ACBD6: variants seen among roughly 807,000 people sequenced by gnomAD.
ACBD6 encodes the protein acyl-CoA binding domain containing 6.
ACBD6 carries 28 observed loss-of-function variants against 37.2 expected under a neutral mutation model. That is an observed-to-expected ratio of 0.75 (90% confidence interval 0.56 to 1.03). ACBD6 has a LOEUF of 1.03. Among genes scored for constraint, ACBD6 ranks in the 50% least tolerant of loss-of-function variants. The probability of loss-of-function intolerance (pLI) is 0.00; values close to 1 mark genes in which losing one functional copy is unlikely to be tolerated. For synonymous variants in ACBD6, 113 were observed against 126.8 expected, an observed-to-expected ratio of 0.89 and a Z score of 0.73; for missense variants, 340 against 337.4, an observed-to-expected ratio of 1.01 and a Z score of -0.06.
chr1:180,392,434 G>T (rs1008380548), intron 6 of ACBD6, among the ~76,000 whole-genome samples: 1 of 152,072 alleles, frequency 6.6e-6, no homozygotes, highest in Non-Finnish European at 1.5e-5. Context: ...CATGTAAGTA[G>T]AAAAAAGATG....
chr1:180,373,062 A>C (rs984574342), intron 6 of ACBD6, among the ~76,000 whole-genome samples: 2 of 152,162 alleles, frequency 1.3e-5, no homozygotes, highest in African/African-American at 2.4e-5. Context: ...CTAGGCCGAG[A>C]GTCACCCCGA....
chr1:180,318,174 C>CAAA (rs541331902), intron 6 of ACBD6, among the ~76,000 whole-genome samples: 1 of 96,112 alleles, frequency 1.0e-5, no homozygotes, highest in Non-Finnish European at 2.0e-5. Context: ...CCCCCCCCCC[C>CAAA]CAAAAAAAAA....
intron 9 of ACBD6, among the ~76,000 whole-genome samples, chr1:180,279,309 T>C (rs146477090): frequency 1.3e-5 from 2 of 152,326 alleles, no homozygotes; most frequent in East Asian, 3.9e-4. Flanking sequence ...TTTAAAATTT[T>C]TTTTTGAGAC....
chr1:180,297,010 T>A (rs188003607), intron 7 of ACBD6, among the ~76,000 whole-genome samples: 49 of 152,120 alleles, frequency 3.2e-4, no homozygotes, highest in Middle Eastern at 3.4e-3. Context: ...CTTCTTTTGT[T>A]AGGGTGAGAA....
At chr1:180,425,085 T>C (rs1040401649) in intron 4 of ACBD6, among the ~76,000 whole-genome samples, 1 of 152,186 alleles carries the variant, frequency 6.6e-6, no homozygotes, top group Non-Finnish European at 1.5e-5. Context: ...ACTAAACCTT[T>C]TCTCCTCTCT....
chr1:180,399,427 A>T (rs1647253668), intron 5 of ACBD6, among the ~76,000 whole-genome samples: 1 of 152,078 alleles, frequency 6.6e-6, no homozygotes, highest in Admixed American at 6.6e-5. Context: ...CACCATGCCC[A>T]GCTAATTTTT....
At chr1:180,370,082 T>C (rs1310921632) in intron 6 of ACBD6, among the ~76,000 whole-genome samples, 12 of 152,210 alleles carry the variant, frequency 7.9e-5, no homozygotes, top group Non-Finnish European at 5.9e-5. Context: ...AGTAGTATGT[T>C]AGGAGTTAAG....
chr1:180,286,143 C>T (rs995318175), downstream of ACBD6, among the ~76,000 whole-genome samples: 1 of 152,038 alleles, frequency 6.6e-6, no homozygotes, highest in African/African-American at 2.4e-5. Context: ...TATATGATAG[C>T]AAGGTTTCTC....
intron 3 of ACBD6, among the ~76,000 whole-genome samples, chr1:180,471,402 G>A (rs376429496): frequency 2.2e-4 from 31 of 139,472 alleles, no homozygotes; most frequent in East Asian, 2.1e-4. Flanking sequence ...AGATTTTAAG[G>A]AAAAAAAAAA....
intron 4 of ACBD6, among the ~76,000 whole-genome samples, chr1:180,417,326 G>C (rs1648141139): frequency 1.3e-5 from 2 of 152,098 alleles, no homozygotes; most frequent in South Asian, 4.2e-4. Flanking sequence ...TTGTAAAGGA[G>C]AGGCATTACA....
At chr1:180,460,169 C>T (rs1386506162) in intron 3 of ACBD6, among the ~76,000 whole-genome samples, 4 of 144,760 alleles carry the variant, frequency 2.8e-5, no homozygotes, top group Non-Finnish European at 4.5e-5. Context: ...GTGTGATGTT[C>T]CTTAAGTGGG....
chr1:180,337,608 C>G (rs949398623), intron 6 of ACBD6, among the ~76,000 whole-genome samples: 63 of 152,316 alleles, frequency 4.1e-4, no homozygotes, highest in African/African-American at 1.4e-3. Context: ...CAGGGATGCC[C>G]TCTCTCACCA....
At chr1:180,433,033 A>C (rs1256057387) in intron 3 of ACBD6, among the ~76,000 whole-genome samples, 2 of 152,184 alleles carry the variant, frequency 1.3e-5, no homozygotes, top group East Asian at 3.8e-4. Flanking sequence ...ATTAAAGAAA[A>C]GGGAACACTT....
intron 6 of ACBD6, among the ~76,000 whole-genome samples, chr1:180,341,520 T>C (rs1347554135): frequency 1.3e-5 from 2 of 152,152 alleles, no homozygotes; most frequent in Admixed American, 6.5e-5. Flanking sequence ...ATTTTCTGTA[T>C]AGGTTCCATC....
intron 3 of ACBD6, among the ~76,000 whole-genome samples, chr1:180,443,935 T>C (rs1317338578): frequency 6.6e-6 from 1 of 152,026 alleles, no homozygotes; most frequent in Non-Finnish European, 1.5e-5. Context: ...TTCCCTTCTT[T>C]TGTAACTTTA....
chr1:180,450,632 C>T (rs1218961173), intron 3 of ACBD6, among the ~76,000 whole-genome samples: 15 of 152,124 alleles, frequency 9.9e-5, no homozygotes, highest in East Asian at 9.7e-4. Flanking sequence ...TGGTGGCAGG[C>T]GCCTGTAGTC....
At chr1:180,364,452 A>G (rs1286454222) in intron 6 of ACBD6, among the ~76,000 whole-genome samples, 1 of 152,266 alleles carries the variant, frequency 6.6e-6, no homozygotes, top group Non-Finnish European at 1.5e-5. Context: ...CTGTCTTCAA[A>G]TAACAGAACG....
At chr1:180,283,940 C>A (rs1011845263), downstream of ACBD6, among the ~76,000 whole-genome samples, 6 of 152,090 alleles carry the variant, frequency 3.9e-5, no homozygotes, top group Non-Finnish European at 8.8e-5. Flanking sequence ...ACCCAAAAAA[C>A]CAGAAATCAA....
chr1:180,435,287 C>A lies in ACBD6; in HGVS notation c.385-5025G>T, dbSNP rs1056610737. ...TTTTTGAGACGGAGTCTTGCTCTGTCGCCCAGGTTGGAGTGCAGTGGCAGG... is the reference window on the plus strand; with the variant it reads ...TTTTTGAGACGGAGTCTTGCTCTGTAGCCCAGGTTGGAGTGCAGTGGCAGG... On this transcript the variant is annotated intron_variant, in intron 3 of 7. Transcript: ENST00000367595. The A allele has an allele frequency of 1.3e-5, 7 of 535,992 alleles. No homozygotes were observed. In the Admixed American group the frequency reaches 1.4e-4, roughly 10 times the overall value. 33.2% of individuals were successfully genotyped at this position (535,992 alleles called of 1,614,324 possible).
Sources: allele counts gnomAD v4.1 joint callset (sites outside exome capture counted in the v4.1 genomes callset), GRCh38; gene constraint gnomAD v4.1.1; transcripts MANE v1.5; gene names NCBI Gene and HGNC (gene_info 2026-07-23, HGNC 2026-07-21).